Variants in KCNN2 observed in about 807,000 individuals in gnomAD.
KCNN2 encodes the protein potassium calcium-activated channel subfamily N member 2, also known as small conductance calcium-activated potassium channel protein 2.
In KCNN2, 24 loss-of-function variants were observed where a neutral mutation model predicts 55.5. The observed-to-expected ratio is 0.43, with a 90% CI of 0.31 to 0.61. KCNN2 has a LOEUF of 0.61. Ranked by LOEUF, KCNN2 falls within the 20% of genes least tolerant of loss-of-function variation. The pLI is 0.08. For missense variants in KCNN2, 754 were observed against 853.6 expected (o/e 0.88, Z 1.45); for synonymous variants, 431 against 336.1 (o/e 1.28, Z -3.09).
chr5:114,145,328 A>G (rs1473054847), intron 1 of KCNN2, among the ~76,000 whole-genome samples: 1 of 152,214 alleles, frequency 6.6e-6, no homozygotes, highest in Admixed American at 6.5e-5. Context: ...TTCCTTCTGA[A>G]CTAACACAAT....
chr5:114,241,633 C>T (rs1034588435), intron 2 of KCNN2, among the ~76,000 whole-genome samples: 3 of 147,302 alleles, frequency 2.0e-5, no homozygotes, highest in Admixed American at 6.8e-5. Context: ...TAGGCAAAAA[C>T]GTAATCTATG....
intron 1 of KCNN2, among the ~76,000 whole-genome samples, chr5:114,098,058 C>T (rs1013649443): frequency 5.3e-5 from 8 of 152,038 alleles, no homozygotes; most frequent in Admixed American, 2.0e-4. Flanking sequence ...TAATCCCTTC[C>T]CTTCTCTTTT....
chr5:114,452,636 C>T (rs1424275798), intron 3 of KCNN2, among the ~76,000 whole-genome samples: 1 of 152,162 alleles, frequency 6.6e-6, no homozygotes, highest in African/African-American at 2.4e-5. Context: ...TTTAAAAAAT[C>T]CCTGTGCCAT....
chr5:114,283,363 A>G (rs1306004811), intron 2 of KCNN2, among the ~76,000 whole-genome samples: 1 of 152,110 alleles, frequency 6.6e-6, no homozygotes, highest in African/African-American at 2.4e-5. Context: ...TCTATTTTTC[A>G]GTTCTATTAT....
chr5:114,303,185 A>G (rs1337546892), intron 2 of KCNN2, among the ~76,000 whole-genome samples: 1 of 152,208 alleles, frequency 6.6e-6, no homozygotes, highest in African/African-American at 2.4e-5. Flanking sequence ...TCAGTATACC[A>G]TATTTATTGC....
chr5:114,453,211 C>T (rs937451833), intron 3 of KCNN2, among the ~76,000 whole-genome samples: 3 of 152,192 alleles, frequency 2.0e-5, no homozygotes, highest in Non-Finnish European at 4.4e-5. Context: ...AAACCCCATA[C>T]ACCTGCTTTG....
intron 2 of KCNN2, among the ~76,000 whole-genome samples, chr5:114,330,913 G>A (rs1756808148): frequency 6.6e-6 from 1 of 152,104 alleles, no homozygotes; most frequent in African/African-American, 2.4e-5. Context: ...AATTAGCAGG[G>A]GTTCAATGTT....
intron 3 of KCNN2, among the ~76,000 whole-genome samples, chr5:114,418,494 T>C (rs1253505044): frequency 6.6e-6 from 1 of 152,110 alleles, no homozygotes; most frequent in Non-Finnish European, 1.5e-5. Flanking sequence ...TCTTCGTCTT[T>C]TATCTTGGAT....
intron 2 of KCNN2, among the ~76,000 whole-genome samples, chr5:114,290,981 T>C (rs1444180137): frequency 6.6e-6 from 1 of 152,076 alleles, no homozygotes; most frequent in East Asian, 1.9e-4. Context: ...TTAATAAAAC[T>C]TGTTTGGCGG....
At chr5:114,368,387 G>C (rs977927807) in intron 2 of KCNN2, among the ~76,000 whole-genome samples, 1 of 151,920 alleles carries the variant, frequency 6.6e-6, no homozygotes, top group African/African-American at 2.4e-5. Flanking sequence ...CTCTATAATC[G>C]GAAGAACAGT....
intron 2 of KCNN2, among the ~76,000 whole-genome samples, chr5:114,350,822 A>G (rs1194719841): frequency 6.6e-6 from 1 of 151,844 alleles, no homozygotes; most frequent in East Asian, 1.9e-4. Context: ...CTACATATCT[A>G]TGTTATGCCA....
chr5:114,150,598 G>A (rs1365400406), intron 1 of KCNN2, among the ~76,000 whole-genome samples: 1 of 152,098 alleles, frequency 6.6e-6, no homozygotes. Context: ...CCTATATCTG[G>A]CCAATTTAAT....
intron 2 of KCNN2, among the ~76,000 whole-genome samples, chr5:114,398,366 C>G (rs546174205): frequency 6.8e-4 from 104 of 152,116 alleles, no homozygotes; most frequent in Non-Finnish European, 4.6e-4. Context: ...CTGTAGAACT[C>G]TGTATTTCTG....
intron 1 of KCNN2, among the ~76,000 whole-genome samples, chr5:114,108,368 G>A (rs1580520775): frequency 6.6e-6 from 1 of 152,014 alleles, no homozygotes. Flanking sequence ...ATTGTTCACA[G>A]TGTCTCTAGT....
rs1346872481 is a variant in KCNN2 at position 114,157,744 on chromosome 5, G to C, written c.-270-63736G>C. ...CTCATTATGGTTTTGATTTGCATTT[G>C]TCTGATGGCCAGTGATGATGAGCAT... On this transcript the variant is annotated intron_variant, in intron 1 of 10. Transcript: ENST00000512097. 4.7e-4 allele frequency among the ~76,000 whole-genome samples: 72 copies of C among 152,034 alleles called. 1 individual carries two copies. The East Asian group carries it at 0.011, about 24-fold the overall frequency.
chr5:114,301,936 C>T (rs547743588), intron 2 of KCNN2, among the ~76,000 whole-genome samples: 8 of 152,236 alleles, frequency 5.3e-5, no homozygotes, highest in South Asian at 2.1e-4. Context: ...AAAATCCTTG[C>T]GAGATATGAA....
rs1756652259 is a variant in KCNN2 at position 114,323,468 on chromosome 5, G to GTTTT, written c.-184-37477_-184-37476insTTTT. Among the ~76,000 whole-genome samples, 5 of 152,010 alleles carry GTTTT rather than the reference G, an allele frequency of 3.3e-5. 1 individual carries two copies. Among genetic ancestry groups the GTTTT allele is most frequent in the Admixed American group, 3.3e-4 (5 of 15,260 alleles). On this transcript the variant is annotated intron_variant, in intron 2 of 10. Coordinates refer to the KCNN2 transcript ENST00000512097. Reference sequence around the variant, plus strand: ...CCACTTAAGCTCTTAAATCTTTAAAGATAATAAAACTAAAAAAGTAATGAG... The same window carrying GTTTT: ...CCACTTAAGCTCTTAAATCTTTAAAGTTTTATAATAAAACTAAAAAAGTAATGAG...
At chr5:114,144,926 A>G (rs1412599366) in intron 1 of KCNN2, among the ~76,000 whole-genome samples, 1 of 151,986 alleles carries the variant, frequency 6.6e-6, no homozygotes, top group East Asian at 1.9e-4. Flanking sequence ...CGATTGCCAT[A>G]GTGATATTTT....
intron 1 of KCNN2, among the ~76,000 whole-genome samples, chr5:114,163,658 CT>C (rs1752845226): frequency 1.3e-5 from 2 of 152,266 alleles, no homozygotes; most frequent in South Asian, 4.1e-4. Flanking sequence ...ATTAGGTAGT[CT>C]GTTTCTTCTT....
Sources: gnomAD v4.1 joint callset for allele counts (sites outside exome capture counted in the v4.1 genomes callset) on GRCh38, gnomAD v4.1.1 for gene constraint, MANE v1.5 for transcripts, NCBI Gene and HGNC (gene_info 2026-07-23, HGNC 2026-07-21) for gene names.